Variants in MYO5B observed in about 807,000 individuals in gnomAD.
MYO5B encodes unconventional myosin-Vb.
A neutral mutation model predicts 229.3 loss-of-function variants in MYO5B; 143 were observed. The ratio of observed to expected loss-of-function variants is 0.62; its 90% CI spans 0.54 to 0.72. The LOEUF (loss-of-function observed/expected upper bound fraction) is 0.72, where lower values mean the gene tolerates loss of function less well. MYO5B is among the 30% of genes least tolerant of loss of function. The pLI, the probability that MYO5B is intolerant of heterozygous loss-of-function variation, is 0.00. For missense variants in MYO5B, 2,321 were observed against 2,331.0 expected, an observed-to-expected ratio of 1.00 and a Z score of 0.09; for synonymous variants, 918 against 885.2, an observed-to-expected ratio of 1.04 and a Z score of -0.66.
chr18:50,127,445 G>A (rs987382641), intron 1 of MYO5B, among the ~76,000 whole-genome samples: 3 of 152,130 alleles, frequency 2.0e-5, no homozygotes, highest in African/African-American at 4.8e-5. Flanking sequence ...TACATTACAG[G>A]GAAGACAAGA....
chr18:49,906,025 T>C (rs2024894761), intron 19 of MYO5B, among the ~76,000 whole-genome samples: 1 of 152,152 alleles, frequency 6.6e-6, no homozygotes, highest in African/African-American at 2.4e-5. Flanking sequence ...TCCGAGGCAT[T>C]ATGAAATCTG....
intron 3 of MYO5B, 109 bp from the exon 4 acceptor site, chr18:50,037,103 G>A: frequency 1.6e-6 from 2 of 1,220,690 alleles, no homozygotes; most frequent in Non-Finnish European, 2.4e-6. Flanking sequence ...AGAATGAGAG[G>A]GCAGCAGAAC....
chr18:49,850,406 A>T (rs1476016283), intron 31 of MYO5B: 1 of 152,782 alleles, frequency 6.5e-6, no homozygotes, highest in Non-Finnish European at 1.5e-5. Flanking sequence ...TTTTAAGATC[A>T]GCCTGTTGAC....
intron 4 of MYO5B, among the ~76,000 whole-genome samples, chr18:50,008,573 C>T (rs1598949160): frequency 6.6e-6 from 1 of 152,164 alleles, no homozygotes; most frequent in African/African-American, 2.4e-5. Context: ...GGAGTTGAGC[C>T]TCAGACAGGT....
chr18:50,030,877 A>G (rs866018170), intron 4 of MYO5B, among the ~76,000 whole-genome samples: 130 of 3,762 alleles, frequency 0.035, 1 homozygote, highest in African/African-American at 0.1. Context: ...TCCCTTTCAG[A>G]AAAAAAAAAA....
chr18:49,871,119 A>G (rs1002575299), intron 27 of MYO5B, among the ~76,000 whole-genome samples: 2 of 152,266 alleles, frequency 1.3e-5, no homozygotes, highest in Admixed American at 6.5e-5. Flanking sequence ...GAAGATGGAC[A>G]CATACTACAA....
intron 9 of MYO5B, among the ~76,000 whole-genome samples, chr18:49,976,268 T>G (rs1445698625): frequency 6.6e-6 from 1 of 152,164 alleles, no homozygotes; most frequent in African/African-American, 2.4e-5. Context: ...CAGATAACTG[T>G]ATTATTTCTC....
chr18:50,008,739 G>A lies in MYO5B; in HGVS notation c.456-7328C>T, dbSNP rs368635074. On this transcript the variant is annotated intron_variant, in intron 4 of 39. Coordinates refer to ENST00000285039, the MANE Select transcript of MYO5B (RefSeq NM_001080467.3). Reference sequence around the variant, plus strand: ...AGAAAGGACATCCCATCTCCAAACCGGTCATGAAGCCCCTCTATATCATTT... The same window carrying A: ...AGAAAGGACATCCCATCTCCAAACCAGTCATGAAGCCCCTCTATATCATTT... 5.3e-4 allele frequency among the ~76,000 whole-genome samples: 80 copies of A among 152,236 alleles called. 1 individual carries two copies. The East Asian group carries it at 0.01, about 19-fold the overall frequency.
At chr18:49,916,270 A>G (rs771289145) in intron 17 of MYO5B, among the ~76,000 whole-genome samples, 1 of 152,226 alleles carries the variant, frequency 6.6e-6, no homozygotes, top group Non-Finnish European at 1.5e-5. Flanking sequence ...GGAAATTACT[A>G]GAGTGAGGAG....
rs1233615740 is a variant in MYO5B, at chr18:49,836,997, CA to C, written c.5139-113del. 1.6e-5 allele frequency: 17 copies of C among 1,057,530 alleles called. No homozygotes were observed. The African/African-American group carries it at 2.5e-4, about 16-fold the overall frequency. 65.5% of individuals were successfully genotyped at this position (1,057,530 alleles called of 1,614,324 possible). The stretch of plus-strand genomic sequence containing the variant: ...CTGCAGCTAGTGCCATTATTTATCT[CA>C]CACGGTTAAAAAGCATGGCAAGTGC... On this transcript the variant is annotated intron_variant, in intron 37 of 39. Coordinates refer to ENST00000285039, the MANE Select transcript of MYO5B (RefSeq NM_001080467.3).
intron 1 of MYO5B, among the ~76,000 whole-genome samples, chr18:50,091,949 A>T (rs1490364138): frequency 6.6e-6 from 1 of 152,204 alleles, no homozygotes; most frequent in Non-Finnish European, 1.5e-5. Context: ...ACAGGGACAA[A>T]TGTGATTAGT....
intron 4 of MYO5B, 44 bp from the exon 5 acceptor site, chr18:50,001,455 C>T (rs779584771): frequency 6.2e-7 from 1 of 1,609,396 alleles, no homozygotes; most frequent in South Asian, 1.1e-5. Flanking sequence ...CATGGAAAGG[C>T]TCTGCTACCG....
At chr18:50,167,662 T>C (rs2032870755) in intron 1 of MYO5B, among the ~76,000 whole-genome samples, 1 of 152,224 alleles carries the variant, frequency 6.6e-6, no homozygotes, top group African/African-American at 2.4e-5. Context: ...GTTTAGGATC[T>C]GGTTTAAGGC....
intron 1 of MYO5B, among the ~76,000 whole-genome samples, chr18:50,098,327 C>A (rs118041378): frequency 6.6e-6 from 1 of 152,072 alleles, no homozygotes; most frequent in Non-Finnish European, 1.5e-5. Context: ...TGTAAACTAG[C>A]AATCGTTGCT....
intron 2 of MYO5B, among the ~76,000 whole-genome samples, chr18:50,052,978 A>T (rs372442629): frequency 6.6e-6 from 1 of 152,180 alleles, no homozygotes; most frequent in African/African-American, 2.4e-5. Flanking sequence ...CTTCAGGGGG[A>T]GGGAGGATGC....
At chr18:50,146,952 C>T (rs1347237766) in intron 1 of MYO5B, among the ~76,000 whole-genome samples, 1 of 152,148 alleles carries the variant, frequency 6.6e-6, no homozygotes, top group Non-Finnish European at 1.5e-5. Flanking sequence ...GAGTATTTTT[C>T]ACTGCCCTCC....
intron 1 of MYO5B, among the ~76,000 whole-genome samples, chr18:50,122,122 G>C (rs1475298849): frequency 6.6e-6 from 1 of 152,162 alleles, no homozygotes; most frequent in Non-Finnish European, 1.5e-5. Flanking sequence ...AGGGTGCTGT[G>C]AGAACTAAAC....
chr18:50,067,411 C>T (rs1235327488), intron 1 of MYO5B, among the ~76,000 whole-genome samples: 1 of 152,202 alleles, frequency 6.6e-6, no homozygotes, highest in Admixed American at 6.5e-5. Flanking sequence ...ATCAGATGAG[C>T]GGTGCTGCCC....
chr18:49,849,869 T>G, intron 31 of MYO5B: 1 of 596,848 alleles, frequency 1.7e-6, no homozygotes, highest in African/African-American at 1.9e-5. Flanking sequence ...TGAGTCAGAG[T>G]CCATTCTCTC....
Sources: allele counts gnomAD v4.1 joint callset (sites outside exome capture counted in the v4.1 genomes callset), GRCh38; gene constraint gnomAD v4.1.1; transcripts MANE v1.5; gene names NCBI Gene and HGNC (gene_info 2026-07-23, HGNC 2026-07-21).